Variants in FBXW7 observed in about 807,000 individuals in gnomAD.
FBXW7 encodes F-box/WD repeat-containing protein 7.
FBXW7 carries 11 observed loss-of-function variants against 86.3 expected under a neutral mutation model. That is an observed-to-expected ratio of 0.13 (90% CI 0.08 to 0.21). The LOEUF (loss-of-function observed/expected upper bound fraction) is 0.21, where lower values mean the gene tolerates loss of function less well. FBXW7 is among the 10% of genes least tolerant of loss of function. FBXW7 has a pLI of 1.00. For synonymous variants in FBXW7, 313 were observed against 297.9 expected (o/e 1.05, Z -0.52); for missense variants, 488 against 847.4 (o/e 0.58, Z 5.27).
rs186385465 is a variant in FBXW7 at position 152,420,697 on chromosome 4, G to A, written c.-119-8168C>T. On this transcript the variant is annotated intron_variant, in intron 2 of 13. Coordinates refer to ENST00000281708, the MANE Select transcript of FBXW7 (RefSeq NM_001349798.2). ...TCCATCAGAGTTCTTGGGTTACCAG[G>A]TGCATTGTCAGTGAGCAGTAATATT... Among the ~76,000 whole-genome samples the A allele has an allele frequency of 3.3e-5, 5 of 152,276 alleles. No individual in the cohort carries two copies. The East Asian group carries it at 7.7e-4, about 24-fold the overall frequency.
chr4:152,483,171 A>G (rs755768015), intron 2 of FBXW7, among the ~76,000 whole-genome samples: 10 of 152,146 alleles, frequency 6.6e-5, no homozygotes, highest in Admixed American at 2.0e-4. Flanking sequence ...TATTTCTATG[A>G]AAACTAATTT....
chr4:152,399,173 T>C (rs1218150688), intron 4 of FBXW7, among the ~76,000 whole-genome samples: 1 of 152,120 alleles, frequency 6.6e-6, no homozygotes, highest in Non-Finnish European at 1.5e-5. Flanking sequence ...CCAACATCAA[T>C]CCTTCAAATG....
chr4:152,508,649 C>T (rs1747659495), intron 2 of FBXW7, among the ~76,000 whole-genome samples: 2 of 137,452 alleles, frequency 1.5e-5, no homozygotes, highest in African/African-American at 5.6e-5. Flanking sequence ...ATGATCGTGC[C>T]ACTGCAAAAA....
chr4:152,406,107 GATC>G (rs1458805685), intron 4 of FBXW7, among the ~76,000 whole-genome samples: 13 of 152,076 alleles, frequency 8.5e-5, no homozygotes, highest in Non-Finnish European at 1.9e-4. Flanking sequence ...AAATGGATCA[GATC>G]ATTATAATAC....
At chr4:152,528,572 C>G (rs1749739439) in intron 2 of FBXW7, among the ~76,000 whole-genome samples, 1 of 152,134 alleles carries the variant, frequency 6.6e-6, no homozygotes, top group African/African-American at 2.4e-5. Flanking sequence ...ATCAAGTGCT[C>G]AAACTGCAGA....
At chr4:152,473,724 C>A (rs1224231165) in intron 2 of FBXW7, among the ~76,000 whole-genome samples, 1 of 152,058 alleles carries the variant, frequency 6.6e-6, no homozygotes, top group African/African-American at 2.4e-5. Context: ...TTAAGTCAGT[C>A]TAACTCCACA....
At chr4:152,331,885 G>A (rs1729594923) in intron 8 of FBXW7, among the ~76,000 whole-genome samples, 1 of 151,924 alleles carries the variant, frequency 6.6e-6, no homozygotes, top group African/African-American at 2.4e-5. Flanking sequence ...AAAGCAGGAT[G>A]ACAAACCAAG....
chr4:152,429,440 G>C (rs1340147467), intron 2 of FBXW7, among the ~76,000 whole-genome samples: 1 of 152,144 alleles, frequency 6.6e-6, no homozygotes, highest in African/African-American at 2.4e-5. Context: ...GAAAAGCAAT[G>C]TGTAGGAGGT....
chr4:152,489,232 T>C (rs1198581609), intron 2 of FBXW7: 1 of 154,388 alleles, frequency 6.5e-6, no homozygotes, highest in African/African-American at 2.4e-5. Flanking sequence ...ATGTTTGTGT[T>C]GCCCTCGAAT....
chr4:152,378,763 G>A lies in FBXW7; in HGVS notation c.502-28639C>T, dbSNP rs1008488276. 2.6e-5 allele frequency among the ~76,000 whole-genome samples: 4 copies of A among 152,104 alleles called. No individual in the cohort carries two copies. In the South Asian group the frequency reaches 8.3e-4, roughly 31 times the overall value. On this transcript the variant is annotated intron_variant, in intron 4 of 13. Transcript: ENST00000281708. ...CATGCCTGTAGTCCCAGCACTTTTG[G>A]AGGCTGAGGCGAGCAGATAAAACAT...
At chr4:152,369,992 C>G (rs1028496214) in intron 4 of FBXW7, among the ~76,000 whole-genome samples, 1 of 151,918 alleles carries the variant, frequency 6.6e-6, no homozygotes, top group East Asian at 1.9e-4. Flanking sequence ...GTTATGTTAT[C>G]TTAGAGAAGA....
At chr4:152,389,758 CA>C (rs1006912928) in intron 4 of FBXW7, among the ~76,000 whole-genome samples, 1 of 151,144 alleles carries the variant, frequency 6.6e-6, no homozygotes, top group African/African-American at 2.4e-5. Context: ...AAATTTATAC[CA>C]AAAAAAAGCA....
chr4:152,389,739 G>C lies in FBXW7; in HGVS notation c.501+21564C>G, dbSNP rs554363395. Reference sequence around the variant, plus strand: ...ATATATCCATGTAAAAAAAACTAGAGTACCCCTTAAATTTATACCAAAAAA... The same window carrying C: ...ATATATCCATGTAAAAAAAACTAGACTACCCCTTAAATTTATACCAAAAAA... On this transcript the variant is annotated intron_variant, in intron 4 of 13. Transcript: ENST00000281708. Among the ~76,000 whole-genome samples the C allele has an allele frequency of 7.2e-5, 11 of 151,824 alleles. No individual in the cohort carries two copies. The South Asian group carries it at 1.7e-3, about 23-fold the overall frequency.
chr4:152,347,432 TA>T (rs1287418854), intron 5 of FBXW7, among the ~76,000 whole-genome samples: 2 of 152,156 alleles, frequency 1.3e-5, no homozygotes, highest in East Asian at 3.8e-4. Context: ...TTTGGTGACA[TA>T]AGTAAAGTTT....
intron 4 of FBXW7, among the ~76,000 whole-genome samples, chr4:152,373,676 C>A (rs964834424): frequency 6.6e-6 from 1 of 152,046 alleles, no homozygotes; most frequent in African/African-American, 2.4e-5. Flanking sequence ...TACTGTGAAG[C>A]CCTTCCTGAA....
At chr4:152,512,612 G>C (rs1037521554) in intron 2 of FBXW7, among the ~76,000 whole-genome samples, 2 of 152,074 alleles carry the variant, frequency 1.3e-5, no homozygotes, top group Admixed American at 6.5e-5. Context: ...TGAAAACATC[G>C]TGTTACGTGA....
intron 6 of FBXW7, among the ~76,000 whole-genome samples, chr4:152,343,934 A>C (rs535074875): frequency 6.6e-6 from 1 of 152,212 alleles, no homozygotes; most frequent in African/African-American, 2.4e-5. Flanking sequence ...TCAATTTATA[A>C]ACAGAATACA....
chr4:152,382,418 A>C, intron 4 of FBXW7: 1 of 1,274,936 alleles, frequency 7.8e-7, no homozygotes, highest in Non-Finnish European at 1.0e-6. Context: ...AAATTTTAAA[A>C]ATATATATTT....
Position 152,535,476 on chromosome 4 carries a change from C to T in FBXW7, c.-562G>A, listed in dbSNP as rs906947806. On this transcript the variant is annotated 5_prime_UTR_variant, in exon 1 of 14. Transcript: ENST00000281708. ...CGCCGCCCCAGCCGCCGCTTCACAT[C>T]GGGGTCCCCGCCCCCCCGGCCGGGG... 4 of 393,402 alleles carry T rather than the reference C, an allele frequency of 1.0e-5. No homozygotes were observed. The East Asian group carries it at 1.1e-4, about 11-fold the overall frequency. The allele number at this position is 393,402 out of a possible 1,614,324, so 24.4% of individuals were successfully genotyped here. A position where few individuals can be genotyped will look rare whatever the true frequency, so the allele number is the denominator to read the frequency against.
Sources: gnomAD v4.1 joint callset for allele counts (sites outside exome capture counted in the v4.1 genomes callset) on GRCh38, gnomAD v4.1.1 for gene constraint, MANE v1.5 for transcripts, NCBI Gene and HGNC (gene_info 2026-07-23, HGNC 2026-07-21) for gene names.